HAT1: variants seen among roughly 807,000 people sequenced by gnomAD.
HAT1 encodes the protein histone acetyltransferase 1, also known as histone acetyltransferase type B catalytic subunit.
HAT1 carries 20 observed loss-of-function variants against 56.6 expected under a neutral mutation model. The ratio of observed to expected loss-of-function variants is 0.35; its 90% confidence interval spans 0.25 to 0.51. The LOEUF (loss-of-function observed/expected upper bound fraction) is 0.51, where lower values mean the gene tolerates loss of function less well. HAT1 is among the 20% of genes least tolerant of loss of function. The pLI is 0.95. For missense variants in HAT1, 408 were observed against 504.3 expected (o/e 0.81, Z 1.83); for synonymous variants, 146 against 165.5 (o/e 0.88, Z 0.91).
chr2:171,945,553 G>T (rs889169597), intron 2 of HAT1, among the ~76,000 whole-genome samples: 11 of 150,452 alleles, frequency 7.3e-5, no homozygotes, highest in African/African-American at 2.2e-4. Context: ...GAGTGCAGTG[G>T]CATGATCTTG....
intron 3 of HAT1, among the ~76,000 whole-genome samples, chr2:171,949,796 C>T (rs996477758): frequency 5.9e-5 from 9 of 152,060 alleles, no homozygotes; most frequent in Admixed American, 3.3e-4. Flanking sequence ...AACCACCGCA[C>T]CTGGCTAAGG....
chr2:171,958,319 C>T (rs532122055), intron 4 of HAT1, among the ~76,000 whole-genome samples: 3 of 150,426 alleles, frequency 2.0e-5, no homozygotes, highest in South Asian at 2.1e-4. Flanking sequence ...ACTGCTTTTT[C>T]TCTCTCTCTC....
intron 2 of HAT1, among the ~76,000 whole-genome samples, chr2:171,943,938 A>G (rs995153177): frequency 2.6e-5 from 4 of 152,036 alleles, no homozygotes; most frequent in African/African-American, 9.7e-5. Flanking sequence ...GCTTGAGCCC[A>G]GAAATTGGAT....
At chr2:171,974,183 AAAAAAAAAAG>A (rs1687893706) in intron 8 of HAT1, among the ~76,000 whole-genome samples, 6 of 101,786 alleles carry the variant, frequency 5.9e-5, no homozygotes, top group South Asian at 7.5e-4. Context: ...CAAAAAAAAA[AAAAAAAAAAG>A]AAAAAAAGAA....
intron 2 of HAT1, among the ~76,000 whole-genome samples, chr2:171,932,026 A>G (rs1686762029): frequency 6.6e-6 from 1 of 152,218 alleles, no homozygotes; most frequent in Non-Finnish European, 1.5e-5. Context: ...GAGAGTTTTT[A>G]TTATGAAAGT....
chr2:171,931,417 T>C (rs62182437), intron 2 of HAT1, among the ~76,000 whole-genome samples: 27,646 of 151,760 alleles, frequency 0.18, 2,887 homozygotes, highest in Non-Finnish European at 0.24. Context: ...TAGCCGGGCA[T>C]GGTGGCTCAC....
At chr2:171,944,456 G>A (rs1687107727) in intron 2 of HAT1, among the ~76,000 whole-genome samples, 1 of 152,202 alleles carries the variant, frequency 6.6e-6, no homozygotes, top group African/African-American at 2.4e-5. Context: ...AACTTCATGG[G>A]TGATGCAGCA....
intron 3 of HAT1, among the ~76,000 whole-genome samples, chr2:171,951,950 G>A (rs928922937): frequency 6.6e-6 from 1 of 152,078 alleles, no homozygotes; most frequent in African/African-American, 2.4e-5. Context: ...GGAATGGACA[G>A]TGCTCCGTAT....
chr2:171,935,986 G>T (rs1419260492), intron 2 of HAT1, among the ~76,000 whole-genome samples: 1 of 152,050 alleles, frequency 6.6e-6, no homozygotes, highest in Non-Finnish European at 1.5e-5. Context: ...GATTAAGGAG[G>T]TATAATTGTC....
Position 171,966,120 on chromosome 2 carries a change from G to A in HAT1, c.611+212G>A, listed in dbSNP as rs571385824. The A allele has an allele frequency of 1.2e-5, 7 of 588,716 alleles. No individual in the cohort carries two copies. In the Admixed American group the frequency reaches 2.2e-4, roughly 18 times the overall value. The allele number at this position is 588,716 out of a possible 1,614,324, so 36.5% of individuals were successfully genotyped here. On this transcript the variant is annotated intron_variant, in intron 6 of 10. Transcript: ENST00000264108. ...GCTGTTGTCCGTTAGGGCCCTGAAT[G>A]TAGGCTTAAACAGTAAAATGAGCTT... is the stretch of plus-strand genomic sequence containing the variant.
intron 2 of HAT1, among the ~76,000 whole-genome samples, chr2:171,935,515 CAAAAAAAAAA>C (rs56220004): frequency 1.8e-5 from 1 of 55,652 alleles, no homozygotes; most frequent in Admixed American, 2.3e-4. Flanking sequence ...AACTCCATCT[CAAAAAAAAAA>C]AAAAAAAAAA....
chr2:171,952,602 G>A (rs1394481528), intron 3 of HAT1, among the ~76,000 whole-genome samples: 11 of 152,184 alleles, frequency 7.2e-5, no homozygotes, highest in Admixed American at 7.2e-4. Context: ...AGTATTAAAT[G>A]TCTGACATTT....
At chr2:171,928,798 G>A (rs543447852) in intron 2 of HAT1, among the ~76,000 whole-genome samples, 1 of 152,266 alleles carries the variant, frequency 6.6e-6, no homozygotes, top group South Asian at 2.1e-4. Flanking sequence ...GTGAGCCACC[G>A]TGCCCGGCAG....
intron 9 of HAT1, among the ~76,000 whole-genome samples, chr2:171,978,813 C>T (rs759752893): frequency 2.0e-5 from 3 of 151,370 alleles, no homozygotes; most frequent in African/African-American, 2.4e-5. Context: ...AAGGCTGGGG[C>T]AGTGGCTTAC....
chr2:171,925,593 C>T lies in HAT1; in HGVS notation c.64C>T (p.Leu22=). ...VEYKSAVEKK[L]AEYKCNTNTA... is the part of the protein sequence containing the mutation. ...ATATAAGAGTGCAGTGGAGAAGAAA[C>T]TGGCAGAGTACAAATGTAACACCAA... Residue 22 remains leucine, a synonymous_variant, in exon 2 of 11, where the codon CTG becomes TTG. Coordinates refer to ENST00000264108, the MANE Select transcript of HAT1 (RefSeq NM_003642.4). 1 of 1,583,988 alleles carries T rather than the reference C, an allele frequency of 6.3e-7. No individual in the cohort carries two copies. The highest frequency in any genetic ancestry group is 1.7e-5 in the Admixed American group (1 of 59,952).
intron 2 of HAT1, among the ~76,000 whole-genome samples, chr2:171,926,090 T>G (rs1349566189): frequency 2.6e-5 from 4 of 152,064 alleles, no homozygotes; most frequent in Non-Finnish European, 5.9e-5. Context: ...CTTCTTTCAT[T>G]TCCTCCCCTC....
intron 8 of HAT1, among the ~76,000 whole-genome samples, chr2:171,970,434 C>T (rs1558977915): frequency 6.7e-6 from 1 of 149,726 alleles, no homozygotes; most frequent in African/African-American, 2.5e-5. Flanking sequence ...CACACATACA[C>T]ACACACAGCC....
intron 2 of HAT1, among the ~76,000 whole-genome samples, chr2:171,926,435 AG>A (rs2105961666): frequency 6.6e-6 from 1 of 152,306 alleles, no homozygotes; most frequent in African/African-American, 2.4e-5. Context: ...CTGGGATTAC[AG>A]GCATGCGCCA....
chr2:171,981,282 G>A (rs1348521867), intron 10 of HAT1, among the ~76,000 whole-genome samples: 1 of 152,106 alleles, frequency 6.6e-6, no homozygotes, highest in Non-Finnish European at 1.5e-5. Context: ...ATAAAATGTT[G>A]TTGCTGCATT....
Sources: gnomAD v4.1 joint callset for allele counts (sites outside exome capture counted in the v4.1 genomes callset) on GRCh38, gnomAD v4.1.1 for gene constraint, MANE v1.5 for transcripts, NCBI Gene and HGNC (gene_info 2026-07-23, HGNC 2026-07-21) for gene names.